Variants in EVI5 observed in about 807,000 individuals in gnomAD.
The protein encoded by EVI5 is ecotropic viral integration site 5 protein homolog.
EVI5 carries 73 observed loss-of-function variants against 112.0 expected under a neutral mutation model. That is an observed-to-expected ratio of 0.65 (90% CI 0.54 to 0.79). The LOEUF is 0.79. Ranked by LOEUF, EVI5 falls within the 30% of genes least tolerant of loss-of-function variation. The pLI, the probability that EVI5 is intolerant of heterozygous loss-of-function variation, is 0.00. For missense variants in EVI5, 900 were observed against 968.8 expected (o/e 0.93, Z 0.94); for synonymous variants, 305 against 319.9 (o/e 0.95, Z 0.50).
rs114867505 is a variant in EVI5, at chr1:92,526,533, G to A, written c.2167-12563C>T. On this transcript the variant is annotated intron_variant, in intron 19 of 19. Transcript: ENST00000684568. The stretch of plus-strand genomic sequence containing the variant: ...CAGTTTAATATTAGTGTATGAGGGT[G>A]TTTGGGTTAGGGGGAGTGACATGGA... Among the ~76,000 whole-genome samples the A allele has an allele frequency of 5.7e-3, 861 of 152,338 alleles. 7 individuals are homozygous for A. Among genetic ancestry groups the A allele is most frequent in the African/African-American group, 0.02 (832 of 41,572 alleles).
intron 1 of EVI5, among the ~76,000 whole-genome samples, chr1:92,769,642 T>C (rs1044590869): frequency 5.3e-5 from 8 of 152,088 alleles, no homozygotes; most frequent in Non-Finnish European, 1.2e-4. Flanking sequence ...TCCCAGCACT[T>C]TGGGAGGCCG....
At chr1:92,701,070 G>A (rs1413633066) in intron 5 of EVI5, 1 of 152,086 alleles carries the variant, frequency 6.6e-6, no homozygotes, top group African/African-American at 2.4e-5. Context: ...TATATATGCT[G>A]TAACACAAAG....
At chr1:92,693,213 G>A (rs1380898400) in intron 9 of EVI5, among the ~76,000 whole-genome samples, 1 of 151,854 alleles carries the variant, frequency 6.6e-6, no homozygotes, top group Non-Finnish European at 1.5e-5. Flanking sequence ...AATTAGCCAG[G>A]CATGGTGGTG....
At chr1:92,717,387 C>A (rs1673910333) in intron 2 of EVI5, among the ~76,000 whole-genome samples, 1 of 152,186 alleles carries the variant, frequency 6.6e-6, no homozygotes, top group Non-Finnish European at 1.5e-5. Context: ...AGGGGCCAAT[C>A]TTCAACATTC....
At chr1:92,548,727 G>C (rs143857236) in intron 19 of EVI5, among the ~76,000 whole-genome samples, 4 of 152,176 alleles carry the variant, frequency 2.6e-5, no homozygotes, top group East Asian at 3.8e-4. Flanking sequence ...GCCAAATCAT[G>C]AGTGAACTCC....
At chr1:92,702,060 T>A (rs1234768862) in intron 5 of EVI5, 81 bp downstream of exon 5, 7 of 692,482 alleles carry the variant, frequency 1.0e-5, no homozygotes, top group South Asian at 1.7e-5. Context: ...TTACATTTAA[T>A]AAAACAAAGA....
intron 19 of EVI5, among the ~76,000 whole-genome samples, chr1:92,548,038 C>T (rs1164812155): frequency 1.3e-5 from 2 of 152,072 alleles, no homozygotes; most frequent in African/African-American, 4.8e-5. Context: ...GGCAGAGACA[C>T]AACAAAAAAA....
intron 1 of EVI5, among the ~76,000 whole-genome samples, chr1:92,748,457 T>A (rs2102905031): frequency 6.6e-6 from 1 of 152,318 alleles, no homozygotes. Flanking sequence ...CTCTTCATAA[T>A]CCTCTGTCTA....
chr1:92,673,837 C>T (rs756577584), intron 10 of EVI5, among the ~76,000 whole-genome samples: 10 of 152,232 alleles, frequency 6.6e-5, no homozygotes, highest in Non-Finnish European at 1.3e-4. Flanking sequence ...GCATCTTAAC[C>T]GGGGGCTCAC....
chr1:92,700,257 T>C (rs1462883675), intron 5 of EVI5, among the ~76,000 whole-genome samples: 2 of 152,220 alleles, frequency 1.3e-5, no homozygotes. Flanking sequence ...GCAGACAATA[T>C]ACCTAATATT....
intron 1 of EVI5, chr1:92,773,793 G>A (rs1411351254): frequency 6.6e-6 from 1 of 152,262 alleles, no homozygotes. Flanking sequence ...GGGAGCCTGA[G>A]GCAGAAGGAT....
At chr1:92,766,822 C>T (rs187088550) in intron 1 of EVI5, among the ~76,000 whole-genome samples, 62 of 152,290 alleles carry the variant, frequency 4.1e-4, no homozygotes, top group Non-Finnish European at 7.1e-4. Flanking sequence ...TGATTCAAGC[C>T]TATAATCCCA....
chr1:92,707,483 TA>T, intron 2 of EVI5, among the ~76,000 whole-genome samples: 2 of 152,136 alleles, frequency 1.3e-5, no homozygotes, highest in Middle Eastern at 3.4e-3. Context: ...CACCACACTT[TA>T]AAAAATGAGT....
chr1:92,540,954 A>G (rs1664694890), intron 19 of EVI5, among the ~76,000 whole-genome samples: 1 of 152,150 alleles, frequency 6.6e-6, no homozygotes. Flanking sequence ...GGCACCTGTA[A>G]TCCAAGCTAC....
At chr1:92,571,962 G>T (rs1670383662) in intron 18 of EVI5, among the ~76,000 whole-genome samples, 1 of 152,094 alleles carries the variant, frequency 6.6e-6, no homozygotes, top group South Asian at 2.1e-4. Context: ...TCACTGAAGA[G>T]ACCTTAAATA....
intron 19 of EVI5, among the ~76,000 whole-genome samples, chr1:92,545,516 A>G (rs777477828): frequency 1.3e-5 from 2 of 152,242 alleles, no homozygotes; most frequent in Non-Finnish European, 2.9e-5. Context: ...GAGAATTAAA[A>G]AAGAAGCATG....
chr1:92,566,419 A>G (rs1669500420), intron 18 of EVI5, among the ~76,000 whole-genome samples: 2 of 152,230 alleles, frequency 1.3e-5, no homozygotes, highest in Admixed American at 1.3e-4. Context: ...ATAGTAAAAC[A>G]CATTACTCGT....
chr1:92,779,920 C>T (rs1229965904), intron 1 of EVI5, among the ~76,000 whole-genome samples: 2 of 152,126 alleles, frequency 1.3e-5, no homozygotes, highest in Non-Finnish European at 2.9e-5. Flanking sequence ...GGACTCTAGT[C>T]TAGGTTCCCT....
chr1:92,602,805 C>G (rs1438294049), intron 18 of EVI5, among the ~76,000 whole-genome samples: 1 of 151,946 alleles, frequency 6.6e-6, no homozygotes, highest in Non-Finnish European at 1.5e-5. Flanking sequence ...ACTTGGAGCA[C>G]AGTCAACACC....
Sources: gnomAD v4.1 joint callset for allele counts (sites outside exome capture counted in the v4.1 genomes callset) on GRCh38, gnomAD v4.1.1 for gene constraint, MANE v1.5 for transcripts, NCBI Gene and HGNC (gene_info 2026-07-23, HGNC 2026-07-21) for gene names.